OLFM3: variants seen among roughly 807,000 people sequenced by gnomAD.
The protein encoded by OLFM3 is noelin-3.
Under a neutral mutation model 48.6 loss-of-function variants are expected in OLFM3, and 20 were observed. That is an observed-to-expected ratio of 0.41 (90% CI 0.29 to 0.60). The LOEUF is 0.60. Ranked by LOEUF, OLFM3 falls within the 20% of genes least tolerant of loss-of-function variation. OLFM3 has a pLI of 0.28. For synonymous variants in OLFM3, 222 were observed against 198.1 expected, an observed-to-expected ratio of 1.12 and a Z score of -1.01; for missense variants, 437 against 544.3, an observed-to-expected ratio of 0.80 and a Z score of 1.96.
At chr1:101,968,777 A>G (rs758199955) in intron 1 of OLFM3, among the ~76,000 whole-genome samples, 16 of 152,244 alleles carry the variant, frequency 1.1e-4, no homozygotes, top group Non-Finnish European at 2.2e-4. Context: ...TTCCACTAAT[A>G]TGTGAACAAA....
At chr1:101,863,858 T>G (rs1221955955) in intron 1 of OLFM3, among the ~76,000 whole-genome samples, 1 of 152,194 alleles carries the variant, frequency 6.6e-6, no homozygotes, top group Non-Finnish European at 1.5e-5. Context: ...TAAAATTTCC[T>G]CATCACTGCA....
At chr1:101,963,729 T>C (rs551181268) in intron 1 of OLFM3, among the ~76,000 whole-genome samples, 1 of 152,266 alleles carries the variant, frequency 6.6e-6, no homozygotes, top group South Asian at 2.1e-4. Context: ...CCAAAAGAGC[T>C]GGGGGGACAT....
At chr1:101,897,291 T>C (rs1366850136) in intron 1 of OLFM3, among the ~76,000 whole-genome samples, 3 of 152,212 alleles carry the variant, frequency 2.0e-5, no homozygotes, top group Non-Finnish European at 4.4e-5. Context: ...ATACCATTAC[T>C]AACACAAGAC....
chr1:101,825,373 A>G, intron 3 of OLFM3, 128 bp from the exon 4 acceptor site: 1 of 765,472 alleles, frequency 1.3e-6, no homozygotes. Context: ...TTTTGGTTGA[A>G]ATTAGGTATT....
intron 4 of OLFM3, among the ~76,000 whole-genome samples, chr1:101,821,545 T>A (rs141374296): frequency 7.8e-4 from 118 of 152,186 alleles, no homozygotes; most frequent in African/African-American, 2.7e-3. Context: ...GTCCAGCGGA[T>A]AAAATATCCT....
At chr1:101,855,510 A>G (rs1656378924) in intron 1 of OLFM3, among the ~76,000 whole-genome samples, 1 of 152,136 alleles carries the variant, frequency 6.6e-6, no homozygotes, top group Non-Finnish European at 1.5e-5. Context: ...AGTCTTTTTA[A>G]AACAATTAGA....
intron 1 of OLFM3, among the ~76,000 whole-genome samples, chr1:101,995,791 C>T (rs1219202656): frequency 6.6e-6 from 1 of 152,112 alleles, no homozygotes; most frequent in East Asian, 1.9e-4. Context: ...ATCATTCTTC[C>T]TATATTGTCA....
intron 1 of OLFM3, among the ~76,000 whole-genome samples, chr1:101,902,323 G>A (rs1658413914): frequency 1.3e-5 from 2 of 152,028 alleles, no homozygotes; most frequent in Non-Finnish European, 2.9e-5. Context: ...TGAGAAGTAA[G>A]TACTTCTGAG....
At chr1:101,983,656 T>C (rs968029744) in intron 1 of OLFM3, among the ~76,000 whole-genome samples, 1 of 152,264 alleles carries the variant, frequency 6.6e-6, no homozygotes, top group African/African-American at 2.4e-5. Flanking sequence ...CTTAAATATC[T>C]GAACTAATTA....
intron 1 of OLFM3, among the ~76,000 whole-genome samples, chr1:101,973,394 G>A (rs1660864293): frequency 6.6e-6 from 1 of 152,288 alleles, no homozygotes; most frequent in East Asian, 1.9e-4. Flanking sequence ...TTCTTCTGGG[G>A]CCTCAAGGGA....
At chr1:101,861,064 G>A (rs1656632213) in intron 1 of OLFM3, among the ~76,000 whole-genome samples, 1 of 151,832 alleles carries the variant, frequency 6.6e-6, no homozygotes, top group East Asian at 1.9e-4. Flanking sequence ...AGTTTGATTT[G>A]ATTATATTTT....
chr1:101,970,980 A>G (rs878909505), intron 1 of OLFM3, among the ~76,000 whole-genome samples: 3 of 152,224 alleles, frequency 2.0e-5, no homozygotes, highest in Admixed American at 2.0e-4. Context: ...TGAGCAATGT[A>G]CAGCCAGCTT....
chr1:101,841,684 G>A (rs1312426241), intron 1 of OLFM3, among the ~76,000 whole-genome samples: 1 of 152,172 alleles, frequency 6.6e-6, no homozygotes, highest in Non-Finnish European at 1.5e-5. Context: ...GGGTCTAGAT[G>A]GAGGGACAGG....
At chr1:101,977,475 C>A (rs1235019824) in intron 1 of OLFM3, among the ~76,000 whole-genome samples, 1 of 152,232 alleles carries the variant, frequency 6.6e-6, no homozygotes, top group South Asian at 2.1e-4. Flanking sequence ...GAGACCTGAA[C>A]TGAACATGTG....
intron 1 of OLFM3, among the ~76,000 whole-genome samples, chr1:101,964,184 T>C (rs973954310): frequency 2.0e-5 from 3 of 152,122 alleles, no homozygotes; most frequent in Non-Finnish European, 4.4e-5. Flanking sequence ...TGTATATGTA[T>C]GTGGAAGAAA....
chr1:101,852,716 CAAAT>C (rs1656271842), intron 1 of OLFM3, among the ~76,000 whole-genome samples: 1 of 151,776 alleles, frequency 6.6e-6, no homozygotes, highest in African/African-American at 2.4e-5. Flanking sequence ...ATACACCAAA[CAAAT>C]AAACAACAAC....
At chr1:101,885,069 G>A (rs781053632) in intron 1 of OLFM3, among the ~76,000 whole-genome samples, 6 of 151,998 alleles carry the variant, frequency 3.9e-5, no homozygotes, top group Non-Finnish European at 5.9e-5. Flanking sequence ...TGAAAGCCAC[G>A]GAAGCCATCA....
chr1:101,832,347 G>A (rs1246297548), intron 2 of OLFM3, among the ~76,000 whole-genome samples: 1 of 152,234 alleles, frequency 6.6e-6, no homozygotes, highest in African/African-American at 2.4e-5. Context: ...TCAGCCAGCT[G>A]TAAAGTTCCC....
At chr1:101,915,558 T>C (rs566727928) in intron 1 of OLFM3, among the ~76,000 whole-genome samples, 26 of 152,276 alleles carry the variant, frequency 1.7e-4, no homozygotes, top group African/African-American at 5.8e-4. Context: ...TAAAATACAA[T>C]ATCTCTCCTC....
Sources: allele counts gnomAD v4.1 joint callset (sites outside exome capture counted in the v4.1 genomes callset), GRCh38; gene constraint gnomAD v4.1.1; transcripts MANE v1.5; gene names NCBI Gene and HGNC (gene_info 2026-07-23, HGNC 2026-07-21).